The following RGMA variants were observed in gnomAD, a reference collection of about 807,000 sequenced individuals.
The protein encoded by RGMA is repulsive guidance molecule BMP co-receptor a, also known as repulsive guidance molecule A.
In RGMA, 10 loss-of-function variants were observed where a neutral mutation model predicts 23.2. That is an observed-to-expected ratio of 0.43 (90% CI 0.27 to 0.73). RGMA has a LOEUF of 0.73. Among genes scored for constraint, RGMA ranks in the 30% least tolerant of loss-of-function variants. The probability of loss-of-function intolerance (pLI) is 0.20; values close to 1 mark genes in which losing one functional copy is unlikely to be tolerated. For missense variants in RGMA, 547 were observed against 630.5 expected (o/e 0.87, Z 1.42); for synonymous variants, 308 against 279.3 (o/e 1.10, Z -1.03).
Position 93,089,173 on chromosome 15 carries a change from C to G in RGMA, c.-241G>C. ...CCAGTGCTTCCCCGGCCCAGCGGCTCGGGCGGCGCAGCCAGCGCTCGGGAG... is the reference window on the plus strand; with the variant it reads ...CCAGTGCTTCCCCGGCCCAGCGGCTGGGGCGGCGCAGCCAGCGCTCGGGAG... On this transcript the variant is annotated 5_prime_UTR_variant, in exon 1 of 4. Coordinates refer to ENST00000329082, the MANE Select transcript of RGMA (RefSeq NM_020211.3). 3.4e-6 allele frequency: 1 copy of G among 296,142 alleles called. No homozygotes were observed. The highest frequency in any genetic ancestry group is 6.2e-6 in the Non-Finnish European group (1 of 161,130). 18.3% of individuals were successfully genotyped at this position (296,142 alleles called of 1,614,324 possible).
At chr15:93,052,533 G>T (rs754394564) in intron 2 of RGMA, 26 bp from the exon 3 acceptor site, 1 of 1,534,428 alleles carries the variant, frequency 6.5e-7, no homozygotes, top group Non-Finnish European at 8.8e-7. Flanking sequence ...CGAACACACC[G>T]TCGGGGTGCA....
intron 2 of RGMA, among the ~76,000 whole-genome samples, chr15:93,064,830 T>A (rs1332063727): frequency 1.3e-5 from 2 of 152,212 alleles, no homozygotes; most frequent in African/African-American, 4.8e-5. Context: ...TATGCCATGG[T>A]GAGCAAGAGG....
intron 2 of RGMA, 95 bp downstream of exon 2, chr15:93,072,818 CGGA>C: frequency 1.5e-6 from 2 of 1,340,956 alleles, no homozygotes. Context: ...GGAGGAGGTC[CGGA>C]GAACTTGAGC....
intron 3 of RGMA, among the ~76,000 whole-genome samples, chr15:93,046,426 A>G (rs534141888): frequency 6.6e-6 from 1 of 152,272 alleles, no homozygotes; most frequent in African/African-American, 2.4e-5. Flanking sequence ...CATATTCCCA[A>G]CTTCCGGCCT....
Position 93,045,270 on chromosome 15 carries a change from C to T in RGMA, c.1081G>A (p.Val361Met), listed in dbSNP as rs754991211. 39 of 1,612,998 alleles carry T rather than the reference C, an allele frequency of 2.4e-5. No individual in the cohort carries two copies. Among genetic ancestry groups the T allele is most frequent in the South Asian group, 1.1e-4 (10 of 91,034 alleles). The change falls in exon 4 of 4, where the codon GTG becomes ATG. Residue 361 changes from valine to methionine, a missense_variant. Transcript: ENST00000329082. This position sits in a 1 kb window ranked among gnomAD's most constrained non-coding sequence, Gnocchi z 6.9. ...APETFPYETA[V>M]AKCKEKLPVE... is the part of the protein sequence containing the mutation. ...GGCAGCTTCTCCTTGCACTTGGCCA[C>T]GGCTGTCTCGTATGGGAAGGTCTCG...
chr15:93,088,125 G>T lies in RGMA; in HGVS notation c.14+794C>A, dbSNP rs142712326. 5.3e-3 allele frequency among the ~76,000 whole-genome samples: 802 copies of T among 152,236 alleles called. 7 individuals are homozygous for T. Among genetic ancestry groups the T allele is most frequent in the African/African-American group, 0.019 (771 of 41,544 alleles). On this transcript the variant is annotated intron_variant, in intron 1 of 3. Transcript: ENST00000329082. ...CACACCACATAATAGCAGCTCACAG[G>T]CTCCCATTAGAAATCTCAATTTGGG...
chr15:93,051,912 G>C (rs1379027317), intron 3 of RGMA, 81 bp downstream of exon 3: 1 of 1,402,912 alleles, frequency 7.1e-7, no homozygotes, highest in Admixed American at 2.1e-5. Flanking sequence ...AGGCACCCGA[G>C]GCCCTCTCAG....
At chr15:93,072,330 A>G (rs1895353930) in intron 2 of RGMA, among the ~76,000 whole-genome samples, 1 of 152,222 alleles carries the variant, frequency 6.6e-6, no homozygotes, top group African/African-American at 2.4e-5. Flanking sequence ...CTTTTCTGAC[A>G]CAATAAAAAC....
At chr15:93,053,364 C>A (rs1164767699) in intron 2 of RGMA, among the ~76,000 whole-genome samples, 1 of 152,244 alleles carries the variant, frequency 6.6e-6, no homozygotes, top group Non-Finnish European at 1.5e-5. Flanking sequence ...GCCAGGCACA[C>A]AGACCTGCAG....
intron 2 of RGMA, among the ~76,000 whole-genome samples, chr15:93,062,132 G>A (rs952359250): frequency 5.6e-4 from 85 of 152,292 alleles, no homozygotes; most frequent in African/African-American, 2.0e-3. Context: ...CATTTTGAGT[G>A]CAAGCCCCAG....
intron 2 of RGMA, among the ~76,000 whole-genome samples, chr15:93,062,541 C>T (rs867682786): frequency 2.0e-4 from 30 of 152,148 alleles, no homozygotes; most frequent in African/African-American, 6.8e-4. Flanking sequence ...GACACGGAAA[C>T]CTAGAGTGCC....
chr15:93,061,369 C>T lies in RGMA; in HGVS notation c.131-8862G>A, dbSNP rs11855050. On this transcript the variant is annotated intron_variant, in intron 2 of 3. Coordinates refer to ENST00000329082, the MANE Select transcript of RGMA (RefSeq NM_020211.3). ...TTTCGATGTTGCCCAGGCTCGGCCA[C>T]GAACTCCTGAGCTCAGGTGATCCAC... Among the ~76,000 whole-genome samples, 1,236 of 152,286 alleles carry T rather than the reference C, an allele frequency of 8.1e-3. 10 individuals are homozygous for T. Among genetic ancestry groups the T allele is most frequent in the South Asian group, 0.016 (75 of 4,828 alleles).
intron 2 of RGMA, chr15:93,065,660 C>T: frequency 1.9e-6 from 2 of 1,046,880 alleles, no homozygotes; most frequent in South Asian, 1.2e-5. Context: ...CTGCCGGGGG[C>T]CGGGGCCTGC....
intron 1 of RGMA, among the ~76,000 whole-genome samples, chr15:93,077,621 G>A (rs1895493365): frequency 6.6e-6 from 1 of 152,202 alleles, no homozygotes; most frequent in Admixed American, 6.5e-5. Context: ...GTTCTGGTCC[G>A]ACTCCAACAT....
At chr15:93,057,330 G>A (rs2141819601) in intron 2 of RGMA, among the ~76,000 whole-genome samples, 1 of 152,272 alleles carries the variant, frequency 6.6e-6, no homozygotes, top group Non-Finnish European at 1.5e-5. Flanking sequence ...AGGTTCAGAT[G>A]AGGTCATGAG....
At chr15:93,058,574 CAT>C (rs977963230) in intron 2 of RGMA, among the ~76,000 whole-genome samples, 3 of 152,222 alleles carry the variant, frequency 2.0e-5, no homozygotes, top group African/African-American at 7.2e-5. Flanking sequence ...AGACATTGTA[CAT>C]GTGTCTCCTT....
intron 1 of RGMA, among the ~76,000 whole-genome samples, chr15:93,081,844 C>T (rs1244617269): frequency 6.6e-6 from 1 of 152,218 alleles, no homozygotes; most frequent in Admixed American, 6.5e-5. Context: ...GGGAAAAGTG[C>T]CAATCCAGAA....
At chr15:93,079,546 G>A (rs1344466005) in intron 1 of RGMA, among the ~76,000 whole-genome samples, 3 of 152,204 alleles carry the variant, frequency 2.0e-5, no homozygotes, top group Non-Finnish European at 4.4e-5. Context: ...CTGACCAGGT[G>A]CAGTGGCTCA....
At chr15:93,049,587 G>A (rs2054884739) in intron 3 of RGMA, among the ~76,000 whole-genome samples, 1 of 152,218 alleles carries the variant, frequency 6.6e-6, no homozygotes, top group Non-Finnish European at 1.5e-5. Context: ...CAGAGGGATT[G>A]GCTGATTGGC....
Sources: gnomAD v4.1 joint callset for allele counts (sites outside exome capture counted in the v4.1 genomes callset) on GRCh38, gnomAD v4.1.1 for gene constraint, Gnocchi (gnomAD v3.1) non-coding constraint, MANE v1.5 for transcripts, NCBI Gene and HGNC (gene_info 2026-07-23, HGNC 2026-07-21) for gene names.